The following RBMS3 variants were observed in gnomAD, a reference collection of about 807,000 sequenced individuals.
The protein encoded by RBMS3 is RNA-binding motif, single-stranded-interacting protein 3.
In RBMS3, 27 loss-of-function variants were observed where a neutral mutation model predicts 66.8. The observed-to-expected ratio is 0.40, with a 90% CI of 0.30 to 0.56. RBMS3 has a LOEUF of 0.56. Ranked by LOEUF, RBMS3 falls within the 20% of genes least tolerant of loss-of-function variation. RBMS3 has a pLI of 0.40. For missense variants in RBMS3, 513 were observed against 549.5 expected (o/e 0.93, Z 0.66); for synonymous variants, 188 against 183.0 (o/e 1.03, Z -0.22).
chr3:29,709,967 A>C (rs2149304631), intron 4 of RBMS3, among the ~76,000 whole-genome samples: 1 of 152,324 alleles, frequency 6.6e-6, no homozygotes, highest in Non-Finnish European at 1.5e-5. Flanking sequence ...GCTGAAAGAC[A>C]CTTGAGGAGA....
chr3:29,387,173 G>A (rs925659844), intron 1 of RBMS3, among the ~76,000 whole-genome samples: 6 of 152,056 alleles, frequency 3.9e-5, no homozygotes, highest in African/African-American at 1.4e-4. Flanking sequence ...CCTATATCAT[G>A]ATGATCCTCA....
At chr3:29,950,205 A>G (rs995788840) in intron 12 of RBMS3, among the ~76,000 whole-genome samples, 2 of 151,858 alleles carry the variant, frequency 1.3e-5, no homozygotes, top group Non-Finnish European at 2.9e-5. Flanking sequence ...AAGGACAGAG[A>G]AAAACGACGC....
intron 14 of RBMS3, among the ~76,000 whole-genome samples, chr3:29,996,962 A>C (rs1699283994): frequency 6.6e-6 from 1 of 152,152 alleles, no homozygotes; most frequent in South Asian, 2.1e-4. Context: ...CCCTTCAAAA[A>C]ATTAATGAAT....
At chr3:29,560,490 A>G (rs536499846) in intron 3 of RBMS3, among the ~76,000 whole-genome samples, 3 of 152,236 alleles carry the variant, frequency 2.0e-5, no homozygotes, top group Admixed American at 6.5e-5. Flanking sequence ...ACCAAAGACA[A>G]ATAGAAACAA....
At chr3:29,402,568 C>G (rs533428875) in intron 1 of RBMS3, among the ~76,000 whole-genome samples, 17 of 151,884 alleles carry the variant, frequency 1.1e-4, no homozygotes, top group Non-Finnish European at 1.9e-4. Context: ...AATGAGTTAG[C>G]TGTATCAATC....
chr3:29,920,530 T>A (rs2060744670), intron 10 of RBMS3, among the ~76,000 whole-genome samples: 1 of 152,248 alleles, frequency 6.6e-6, no homozygotes, highest in Non-Finnish European at 1.5e-5. Flanking sequence ...TTTAACCATG[T>A]GAGTTCACAC....
chr3:29,999,753 T>A (rs1577359177), intron 14 of RBMS3, among the ~76,000 whole-genome samples: 1 of 150,676 alleles, frequency 6.6e-6, no homozygotes, highest in Non-Finnish European at 1.5e-5. Flanking sequence ...CACCGGGGAC[T>A]GTTGTGGGGT....
At chr3:29,392,005 T>A (rs1222984134) in intron 1 of RBMS3, among the ~76,000 whole-genome samples, 1 of 151,882 alleles carries the variant, frequency 6.6e-6, no homozygotes, top group African/African-American at 2.4e-5. Flanking sequence ...ATCCCAGCAC[T>A]TTGGGAGGTC....
chr3:29,830,218 A>T (rs923758218), intron 6 of RBMS3, among the ~76,000 whole-genome samples: 7 of 152,042 alleles, frequency 4.6e-5, no homozygotes, highest in Non-Finnish European at 5.9e-5. Context: ...GTTGAAAAGG[A>T]ATGTTTTCCT....
rs1193459682 is a variant in RBMS3 at position 30,009,597 on chromosome 3, A to T, written c.*5735A>T. The T allele has an allele frequency of 6.6e-6, 1 of 152,108 alleles. No homozygotes were observed. Among genetic ancestry groups the T allele is most frequent in the Admixed American group, 6.5e-5 (1 of 15,270 alleles). The allele number at this position is 152,108 out of a possible 1,614,324, so 9.4% of individuals were successfully genotyped here. ...TAAATTTGAACCAGTAGCACGGATC[A>T]ACACGACTTCTGCAATGAGAGTATA... On this transcript the variant is annotated 3_prime_UTR_variant, in exon 15 of 15. Transcript: ENST00000383767.
chr3:29,957,021 C>T (rs1223930206), intron 12 of RBMS3, among the ~76,000 whole-genome samples: 1 of 152,130 alleles, frequency 6.6e-6, no homozygotes, highest in Non-Finnish European at 1.5e-5. Context: ...AAATCCTCAT[C>T]TAGAATGTGT....
intron 4 of RBMS3, among the ~76,000 whole-genome samples, chr3:29,690,478 T>C (rs1308114827): frequency 2.0e-5 from 3 of 152,244 alleles, no homozygotes; most frequent in Admixed American, 6.5e-5. Context: ...TTTTCTGTTA[T>C]AACTGATTCA....
At chr3:29,707,661 G>A (rs1362122055) in intron 4 of RBMS3, among the ~76,000 whole-genome samples, 1 of 152,102 alleles carries the variant, frequency 6.6e-6, no homozygotes, top group African/African-American at 2.4e-5. Context: ...ACCACAAAAG[G>A]CCAAGCTAGA....
At chr3:29,331,967 C>G (rs1480876071) in intron 1 of RBMS3, among the ~76,000 whole-genome samples, 1 of 151,934 alleles carries the variant, frequency 6.6e-6, no homozygotes, top group Non-Finnish European at 1.5e-5. Flanking sequence ...GGACTGTGAA[C>G]TCTTTGGGGG....
chr3:29,369,532 A>ACACACACACACT (rs2038086703), intron 1 of RBMS3, among the ~76,000 whole-genome samples: 2 of 135,452 alleles, frequency 1.5e-5, no homozygotes, highest in East Asian at 2.3e-4. Context: ...ACACACACAC[A>ACACACACACACT]CTTTGAGTGA....
chr3:29,508,963 T>A (rs1428140979), intron 3 of RBMS3, among the ~76,000 whole-genome samples: 3 of 151,950 alleles, frequency 2.0e-5, no homozygotes, highest in African/African-American at 7.2e-5. Context: ...ATGATGAGCT[T>A]TTCTTCATGT....
chr3:29,588,894 C>G (rs371598344), intron 4 of RBMS3, among the ~76,000 whole-genome samples: 15 of 152,092 alleles, frequency 9.9e-5, no homozygotes, highest in East Asian at 3.9e-4. Flanking sequence ...CTGAAAGTAA[C>G]ACCTACTTCC....
chr3:29,784,529 T>C (rs1001092322), intron 6 of RBMS3, among the ~76,000 whole-genome samples: 1 of 151,840 alleles, frequency 6.6e-6, no homozygotes, highest in Non-Finnish European at 1.5e-5. Context: ...TGGGATACAC[T>C]AAAAGTGGTG....
intron 6 of RBMS3, among the ~76,000 whole-genome samples, chr3:29,838,173 C>CAAAAAAA (rs71091080): frequency 2.4e-5 from 2 of 83,054 alleles, no homozygotes; most frequent in South Asian, 6.0e-4. Flanking sequence ...CTCATCTCTA[C>CAAAAAAA]AAAAAAAAAA....
Sources: gnomAD v4.1 joint callset for allele counts (sites outside exome capture counted in the v4.1 genomes callset) on GRCh38, gnomAD v4.1.1 for gene constraint, MANE v1.5 for transcripts, NCBI Gene and HGNC (gene_info 2026-07-23, HGNC 2026-07-21) for gene names.